Variants in TPSD1 observed in about 807,000 individuals in gnomAD.
TPSD1 encodes tryptase delta 1, also known as tryptase delta.
In TPSD1, 30 loss-of-function variants were observed where a neutral mutation model predicts 25.4. That is an observed-to-expected ratio of 1.18 (90% CI 0.88 to 1.60). The LOEUF (loss-of-function observed/expected upper bound fraction) is 1.60, where lower values mean the gene tolerates loss of function less well. Among genes scored for constraint, TPSD1 ranks in the 40% most tolerant of loss-of-function variants. TPSD1 has a pLI of 0.00. For missense variants in TPSD1, 420 were observed against 324.2 expected (o/e 1.30, Z -2.27); for synonymous variants, 176 against 149.4 (o/e 1.18, Z -1.30).
Position 1,256,132 on chromosome 16 carries a change from TG to T in TPSD1, c.-147del. 7.9e-7 allele frequency: 1 copy of T among 1,262,996 alleles called. No individual in the cohort carries two copies. Among genetic ancestry groups the T allele is most frequent in the Non-Finnish European group, 1.1e-6 (1 of 897,710 alleles). 78.2% of individuals were successfully genotyped at this position (1,262,996 alleles called of 1,614,324 possible). On this transcript the variant is annotated 5_prime_UTR_variant, in exon 1 of 5. Transcript: ENST00000211076. The stretch of plus-strand genomic sequence containing the variant: ...CAGAGACCCTGACATCAGCGTCACC[TG>T]GAGCAGAGTGGCCCAGCCTCAGACT...
Position 1,258,186 on chromosome 16 carries a change from G to T in TPSD1, c.648G>T (p.Met216Ile), listed in dbSNP as rs760996906. 106 of 1,612,798 alleles carry T rather than the reference G, an allele frequency of 6.6e-5. No homozygotes were observed. The highest frequency in any genetic ancestry group is 8.7e-5 in the Non-Finnish European group (103 of 1,179,888). ...GCTTTCAAATCGTCCGCGATGACAT[G>T]CTGTGTGCGGGGAGCGAAAATCACG... ...GHSFQIVRDD[M>I]LCAGSENHDS... is the part of the protein sequence containing the mutation. The change falls in exon 4 of 5, where the codon ATG becomes ATT. Residue 216 changes from methionine to isoleucine, a missense_variant. Physicochemically the swap from Met to Ile is conservative, Grantham distance 10. Transcript: ENST00000211076.
At position 1,257,404 on chromosome 16, in the gene TPSD1, C is replaced by T. The variant is rs551701133; in HGVS notation, c.520+342C>T. On this transcript the variant is annotated intron_variant, in intron 3 of 4. Coordinates refer to ENST00000211076, the MANE Select transcript of TPSD1 (RefSeq NM_012217.3). ...GGGGTCTTGCTGGAAGGAGAGAGAC[C>T]GGTGCTGGGATGAGACCTGCCTGCC... The T allele has an allele frequency of 1.2e-4, 47 of 394,964 alleles. No individual in the cohort carries two copies. In the East Asian group the frequency reaches 1.7e-3, roughly 15 times the overall value. The allele number at this position is 394,964 out of a possible 1,614,324, so 24.5% of individuals were successfully genotyped here. A position where few individuals can be genotyped will look rare whatever the true frequency, so the allele number is the denominator to read the frequency against.
At chr16:1,257,944 C>A in intron 3 of TPSD1, 115 bp from the exon 4 acceptor site, 1 of 1,171,584 alleles carries the variant, frequency 8.5e-7, no homozygotes, top group Non-Finnish European at 1.2e-6. Context: ...GCTGCAGGCA[C>A]AGAACAGCAC....
In TPSD1 at chr16:1,258,005, G is replaced by A. The variant is rs370968320; in HGVS notation, c.521-54G>A. 2.0e-4 allele frequency: 313 copies of A among 1,535,342 alleles called. 1 individual carries two copies. The African/African-American group carries it at 3.7e-3, about 18-fold the overall frequency. On this transcript the variant is annotated intron_variant, in intron 3 of 4. Coordinates refer to ENST00000211076, the MANE Select transcript of TPSD1 (RefSeq NM_012217.3). ...CCCGTGACTCTGCCACCAAGTCCAC[G>A]AAGCAGCACCCAGCCGGCCCCAGAC...
At chr16:1,257,133 G>A in intron 3 of TPSD1, 71 bp downstream of exon 3, 2 of 1,507,860 alleles carry the variant, frequency 1.3e-6, no homozygotes, top group South Asian at 1.3e-5. Context: ...AGTCCGTGGG[G>A]TGACAGGGTC....
chr16:1,256,788 G>C lies in TPSD1; in HGVS notation c.255-9G>C, dbSNP rs564251082. The C allele has an allele frequency of 8.1e-6, 13 of 1,612,134 alleles. No individual in the cohort carries two copies. The highest frequency in any genetic ancestry group is 1.1e-5 in the South Asian group (1 of 91,010). On this transcript the variant is annotated splice_polypyrimidine_tract_variant and intron_variant, in intron 2 of 4. Coordinates refer to ENST00000211076, the MANE Select transcript of TPSD1 (RefSeq NM_012217.3). ...CCCAGGGCCCTGAGTGGGATCCTCC[G>C]CTGCCCAGGGACATCAAGGATCTGG...
chr16:1,257,391 G>A, intron 3 of TPSD1: 1 of 430,288 alleles, frequency 2.3e-6, no homozygotes, highest in South Asian at 3.3e-5. Context: ...GGTCTTGCTG[G>A]AAGGAGAGAG....
rs773835429 is a variant in TPSD1, at chr16:1,257,042, G to A, written c.500G>A (p.Trp167Ter). 30 of 1,610,958 alleles carry A rather than the reference G, an allele frequency of 1.9e-5. No homozygotes were observed. The South Asian group carries it at 2.2e-4, about 12-fold the overall frequency. ...PPGMPCWVTG[W>*]GDVDNNVHLP... ...GGGATGCCGTGCTGGGTCACTGGCTGGGGCGACGTGGACAATAATGGTGGG... is the reference window on the plus strand; with the variant it reads ...GGGATGCCGTGCTGGGTCACTGGCTAGGGCGACGTGGACAATAATGGTGGG... The change falls in exon 3 of 5, where the codon TGG (tryptophan) becomes TAG (stop). Residue 167 changes from tryptophan to a stop codon, truncating the protein, a stop_gained. Coordinates refer to ENST00000211076, the MANE Select transcript of TPSD1 (RefSeq NM_012217.3). LOFTEE classifies it high-confidence loss of function.
chr16:1,257,401 G>T, intron 3 of TPSD1: 1 of 418,848 alleles, frequency 2.4e-6, no homozygotes, highest in African/African-American at 2.0e-5. Flanking sequence ...GAAGGAGAGA[G>T]ACCGGTGCTG....
chr16:1,256,349 C>T lies in TPSD1; in HGVS notation c.69C>T (p.Ala23=). 1 of 1,613,180 alleles carries T rather than the reference C, an allele frequency of 6.2e-7. No individual in the cohort carries two copies. Among genetic ancestry groups the T allele is most frequent in the South Asian group, 1.1e-5 (1 of 91,036 alleles). ...CGCTGCCCGTCCTGGCGAGCCCGGC[C>T]TACGTGGCCCCTGGTGAGTCCCAGC... ...LLALPVLASP[A]YVAPAPGQAL... The change falls in exon 1 of 5, where the codon GCC becomes GCT. Residue 23 remains alanine (A), a synonymous_variant. Transcript: ENST00000211076.
chr16:1,257,057 A>G lies in TPSD1; in HGVS notation c.515A>G (p.Asn172Ser). 1.2e-6 allele frequency: 2 copies of G among 1,608,038 alleles called. No individual in the cohort carries two copies. Among genetic ancestry groups the G allele is most frequent in the Non-Finnish European group, 1.7e-6 (2 of 1,177,582 alleles). Residue 172 changes from asparagine (N) to serine (S), a missense_variant, in exon 3 of 5, where the codon AAT (asparagine) becomes AGT (serine). Transcript: ENST00000211076. ...GTCACTGGCTGGGGCGACGTGGACA[A>G]TAATGGTGGGTGTTGGGGACAGCGG... The part of the protein sequence containing the change: ...CWVTGWGDVD[N>S]NVHLPPPYPL...
At chr16:1,257,982 C>T (rs1401892246) in intron 3 of TPSD1, 77 bp from the exon 4 acceptor site, 10 of 1,469,934 alleles carry the variant, frequency 6.8e-6, no homozygotes, top group South Asian at 2.5e-5. Context: ...CTCCCCTGCC[C>T]GTGACTCTGC....
At chr16:1,257,184 T>C (rs1447120285) in intron 3 of TPSD1, 122 bp downstream of exon 3, 9 of 1,358,036 alleles carry the variant, frequency 6.6e-6, no homozygotes, top group East Asian at 5.0e-5. Flanking sequence ...GAGGCCAGGA[T>C]GGATGGAGCA....
intron 3 of TPSD1, 194 bp from the exon 4 acceptor site, chr16:1,257,865 A>G: frequency 1.5e-6 from 1 of 649,302 alleles, no homozygotes; most frequent in Non-Finnish European, 2.6e-6. Flanking sequence ...TGGGGCTTAA[A>G]TGAGGCCAGG....
At position 1,258,117 on chromosome 16, in the gene TPSD1, C is replaced by T; in HGVS notation, c.579C>T (p.His193=). The change falls in exon 4 of 5, where the codon CAC becomes CAT. Residue 193 remains histidine (H), a synonymous_variant. Coordinates refer to ENST00000211076, the MANE Select transcript of TPSD1 (RefSeq NM_012217.3). ...TGGAAGTCCCCGTAGTGGAAAACCACCTTTGCAACGCGGAATATCACACCG... is the reference window on the plus strand; with the variant it reads ...TGGAAGTCCCCGTAGTGGAAAACCATCTTTGCAACGCGGAATATCACACCG... ...KEVEVPVVEN[H]LCNAEYHTGL... The T allele has an allele frequency of 3.7e-6, 6 of 1,608,020 alleles. No homozygotes were observed. The highest frequency in any genetic ancestry group is 5.1e-6 in the Non-Finnish European group (6 of 1,177,642).
At chr16:1,257,233 G>A (rs1002173952) in intron 3 of TPSD1, 171 bp downstream of exon 3, 18 of 955,638 alleles carry the variant, frequency 1.9e-5, no homozygotes, top group African/African-American at 3.3e-5. Context: ...GAGCAGAGAC[G>A]GTGAGTCCAA....
At position 1,256,871 on chromosome 16, in the gene TPSD1, C is replaced by G. The variant is rs147268885; in HGVS notation, c.329C>G (p.Pro110Arg). 5 of 1,613,716 alleles carry G rather than the reference C, an allele frequency of 3.1e-6. No individual in the cohort carries two copies. Among genetic ancestry groups the G allele is most frequent in the Non-Finnish European group, 1.7e-6 (2 of 1,180,022 alleles). Reference protein sequence around the residue: ...QHLYYQDQLLPVSRIIVHPQF... With the variant: ...QHLYYQDQLLRVSRIIVHPQF... ...CTCTACTACCAGGACCAGCTGCTGC[C>G]GGTCAGCAGGATCATCGTGCACCCA... Residue 110 changes from proline to arginine, a missense_variant, in exon 3 of 5, where the codon CCG (proline) becomes CGG (arginine). Pro to Arg is a moderately radical substitution (Grantham distance 103). Coordinates refer to ENST00000211076, the MANE Select transcript of TPSD1 (RefSeq NM_012217.3).
rs1364066336 is a variant in TPSD1 at position 1,256,507 on chromosome 16, C to T, written c.83-9C>T. On this transcript the variant is annotated splice_polypyrimidine_tract_variant and intron_variant, in intron 1 of 4. Transcript: ENST00000211076. ...CGGCTTCTTGGTCCTGACCTGGCAC[C>T]TGCCCCAGCCCCAGGCCAGGCCCTG... 1 of 1,607,388 alleles carries T rather than the reference C, an allele frequency of 6.2e-7. No homozygotes were observed. The highest frequency in any genetic ancestry group is 8.5e-7 in the Non-Finnish European group (1 of 1,177,744).
At chr16:1,256,766 A>G in intron 2 of TPSD1, 31 bp from the exon 3 acceptor site, 1 of 1,612,156 alleles carries the variant, frequency 6.2e-7, no homozygotes. Flanking sequence ...GGGGCTGCCC[A>G]GGGCCCTGAG....
Sources: gnomAD v4.1 joint callset for allele counts on GRCh38, gnomAD v4.1.1 for gene constraint, MANE v1.5 for transcripts, NCBI Gene and HGNC (gene_info 2026-07-23, HGNC 2026-07-21) for gene names.